The following MED23 variants were observed in gnomAD, a reference collection of about 807,000 sequenced individuals.
MED23 encodes the protein mediator of RNA polymerase II transcription subunit 23.
In MED23, 105 loss-of-function variants were observed where a neutral mutation model predicts 163.9. The observed-to-expected ratio is 0.64, with a 90% CI of 0.55 to 0.75. The LOEUF (loss-of-function observed/expected upper bound fraction) is 0.75, where lower values mean the gene tolerates loss of function less well. MED23 is among the 30% of genes least tolerant of loss of function. MED23 has a pLI of 0.00. For synonymous variants in MED23, 561 were observed against 565.6 expected, an observed-to-expected ratio of 0.99 and a Z score of 0.12; for missense variants, 1,054 against 1,649.0, an observed-to-expected ratio of 0.64 and a Z score of 6.25.
Position 131,604,348 on chromosome 6 carries a change from AAAATCCATATTTTTG to A in MED23, c.1614-43_1614-29del, listed in dbSNP as rs1308499807. ...GAGGAGAAAAAAAGGGAAGAAAATA[AAAATCCATATTTTTG>A]ACATAAACATAGGGGCTACTCTACT... On this transcript the variant is annotated intron_variant, in intron 14 of 28. Transcript: ENST00000368068. 1.1e-5 allele frequency: 18 copies of A among 1,611,966 alleles called. No homozygotes were observed. In the Admixed American group the frequency reaches 2.7e-4, roughly 24 times the overall value.
chr6:131,575,037 G>T (rs1191679872), intron 30 of MED23, among the ~76,000 whole-genome samples: 1 of 152,144 alleles, frequency 6.6e-6, no homozygotes, highest in Non-Finnish European at 1.5e-5. Context: ...GAAAGTCGGT[G>T]GAGCTGACAA....
chr6:131,601,725 A>G (rs1221901732), intron 17 of MED23, among the ~76,000 whole-genome samples: 1 of 152,232 alleles, frequency 6.6e-6, no homozygotes, highest in Non-Finnish European at 1.5e-5. Context: ...TAGAGAAGCA[A>G]AAATGTCAAA....
At position 131,619,904 on chromosome 6, in the gene MED23, G is replaced by A; in HGVS notation, c.598-8C>T. ...TACTAGGTTTCCAAGTAACTAAAGAGAGAAAGAAAGAGGGAAGTCAAATAA... is the reference window on the plus strand; with the variant it reads ...TACTAGGTTTCCAAGTAACTAAAGAAAGAAAGAAAGAGGGAAGTCAAATAA... On this transcript the variant is annotated splice_region_variant and splice_polypyrimidine_tract_variant and intron_variant, in intron 7 of 28. Transcript: ENST00000368068. 3.8e-6 allele frequency: 6 copies of A among 1,592,256 alleles called. No homozygotes were observed. The highest frequency in any genetic ancestry group is 5.2e-6 in the Non-Finnish European group (6 of 1,161,366).
intron 30 of MED23, among the ~76,000 whole-genome samples, chr6:131,577,623 C>T (rs971628578): frequency 7.2e-5 from 11 of 151,766 alleles, no homozygotes; most frequent in African/African-American, 2.2e-4. Context: ...ATGGACTGGT[C>T]GGGCACGGTG....
chr6:131,627,573 C>A, intron 2 of MED23, 68 bp downstream of exon 2: 1 of 1,597,058 alleles, frequency 6.3e-7, no homozygotes, highest in Non-Finnish European at 8.6e-7. Context: ...CCTTCCAACA[C>A]GAAACTAAGT....
At position 131,620,508 on chromosome 6, in the gene MED23, C is replaced by T. The variant is rs529747272; in HGVS notation, c.597+120G>A. On this transcript the variant is annotated intron_variant, in intron 7 of 28. Transcript: ENST00000368068. ...AGAGACAGAGTCTTGTTATGTTACCCAGGTTGGGTCTTGAACTCTTGTCCT... is the reference window on the plus strand; with the variant it reads ...AGAGACAGAGTCTTGTTATGTTACCTAGGTTGGGTCTTGAACTCTTGTCCT... The T allele has an allele frequency of 7.0e-6, 5 of 712,494 alleles. No homozygotes were observed. In the East Asian group the frequency reaches 1.4e-4, roughly 19 times the overall value. The allele number at this position is 712,494 out of a possible 1,614,324, so 44.1% of individuals were successfully genotyped here.
intron 30 of MED23, chr6:131,581,412 A>G (rs373857039): frequency 1.9e-6 from 3 of 1,593,366 alleles, no homozygotes; most frequent in Non-Finnish European, 1.7e-6. Context: ...GTGCAATAGA[A>G]TACTTTTTAG....
At chr6:131,614,175 C>T (rs989409832) in intron 10 of MED23, among the ~76,000 whole-genome samples, 1 of 152,122 alleles carries the variant, frequency 6.6e-6, no homozygotes, top group Non-Finnish European at 1.5e-5. Context: ...GAAGCAGTTT[C>T]AGTTTCACAT....
Position 131,587,168 on chromosome 6 carries a change from T to C in MED23, c.*511A>G. The C allele has an allele frequency of 8.5e-7, 1 of 1,179,876 alleles. No homozygotes were observed. Among genetic ancestry groups the C allele is most frequent in the African/African-American group, 1.6e-5 (1 of 62,802 alleles). The allele number at this position is 1,179,876 out of a possible 1,614,324, so 73.1% of individuals were successfully genotyped here. A position where few individuals can be genotyped will look rare whatever the true frequency, so the allele number is the denominator to read the frequency against. ...GTCATTTTAAAAAGAATATGAAGCC[T>C]TGTTTGCTCCTACAATGCAACAAAA... On this transcript the variant is annotated 3_prime_UTR_variant, in exon 29 of 29. Transcript: ENST00000368068.
intron 9 of MED23, among the ~76,000 whole-genome samples, chr6:131,617,265 G>T (rs1776759330): frequency 6.6e-6 from 1 of 150,894 alleles, no homozygotes; most frequent in Non-Finnish European, 1.5e-5. Flanking sequence ...TAGAGTCAAT[G>T]AAAGTTTTTC....
intron 10 of MED23, among the ~76,000 whole-genome samples, chr6:131,611,136 C>T (rs1776251055): frequency 6.6e-6 from 1 of 151,978 alleles, no homozygotes; most frequent in Non-Finnish European, 1.5e-5. Flanking sequence ...CTAGTGAATA[C>T]AATTACTAAT....
Position 131,592,429 on chromosome 6 carries a change from C to CTGTAA in MED23, c.3425_3429dup (p.Ala1144LeufsTer5), listed in dbSNP as rs1562371821. 1 of 1,613,998 alleles carries CTGTAA rather than the reference C, an allele frequency of 6.2e-7. No homozygotes were observed. The highest frequency in any genetic ancestry group is 1.7e-5 in the Admixed American group (1 of 60,014). ...ATCAAACCAATTGCATTCATCCATG[C>CTGTAA]TGTAATGTTCTCTCTTGGCACTAAA... is the stretch of plus-strand genomic sequence containing the variant. On this transcript the variant is annotated frameshift_variant, in exon 25 of 29. Transcript: ENST00000368068. LOFTEE classifies it high-confidence loss of function.
chr6:131,605,008 T>G (rs1775752556), intron 14 of MED23, among the ~76,000 whole-genome samples: 1 of 152,204 alleles, frequency 6.6e-6, no homozygotes, highest in Non-Finnish European at 1.5e-5. Flanking sequence ...CAAAAAATTT[T>G]TATAATGCTT....
intron 8 of MED23, 80 bp downstream of exon 8, chr6:131,619,747 A>G: frequency 9.3e-7 from 1 of 1,078,762 alleles, no homozygotes; most frequent in Non-Finnish European, 1.4e-6. Flanking sequence ...ACATATTAAG[A>G]GAACATCCCT....
At chr6:131,578,057 A>T (rs1773713249) in intron 30 of MED23, among the ~76,000 whole-genome samples, 1 of 152,132 alleles carries the variant, frequency 6.6e-6, no homozygotes, top group Non-Finnish European at 1.5e-5. Flanking sequence ...AAGAAAGCAG[A>T]TCAGCAGTTC....
In MED23 at chr6:131,615,361, G is replaced by C. The variant is rs576018927; in HGVS notation, c.876+546C>G. 23 of 1,609,974 alleles carry C rather than the reference G, an allele frequency of 1.4e-5. No homozygotes were observed. The African/African-American group carries it at 2.9e-4, about 21-fold the overall frequency. On this transcript the variant is annotated intron_variant, in intron 10 of 28. Coordinates refer to ENST00000368068, the MANE Select transcript of MED23 (RefSeq NM_004830.4). ...CAAGGTCTAGAGCATTGGAGGATGGGCAGGACAAGACAGGACAGAACAAAA... is the reference window on the plus strand; with the variant it reads ...CAAGGTCTAGAGCATTGGAGGATGGCCAGGACAAGACAGGACAGAACAAAA...
chr6:131,624,498 C>G (rs944259839), intron 4 of MED23, among the ~76,000 whole-genome samples: 1 of 152,182 alleles, frequency 6.6e-6, no homozygotes. Flanking sequence ...TCATTATGAC[C>G]TTGAGTAAAA....
chr6:131,604,664 C>T (rs150240040), intron 14 of MED23, among the ~76,000 whole-genome samples: 56 of 152,318 alleles, frequency 3.7e-4, no homozygotes, highest in African/African-American at 1.3e-3. Flanking sequence ...CACAGATTTA[C>T]TTTAATAAAT....
chr6:131,593,276 G>C (rs1774787794), intron 23 of MED23, 105 bp from the exon 24 acceptor site: 1 of 1,381,108 alleles, frequency 7.2e-7, no homozygotes, highest in Admixed American at 1.8e-5. Context: ...GAGAGATTAA[G>C]AGGCAAATGC....
Sources: allele counts gnomAD v4.1 joint callset (sites outside exome capture counted in the v4.1 genomes callset), GRCh38; gene constraint gnomAD v4.1.1; transcripts MANE v1.5; gene names NCBI Gene and HGNC (gene_info 2026-07-23, HGNC 2026-07-21).